The following GGCT variants were observed in gnomAD, a reference collection of about 807,000 sequenced individuals.
GGCT encodes gamma-glutamylcyclotransferase.
A neutral mutation model predicts 22.1 loss-of-function variants in GGCT; 20 were observed. The ratio of observed to expected loss-of-function variants is 0.91; its 90% confidence interval spans 0.64 to 1.32. The LOEUF is 1.32. Among genes scored for constraint, GGCT ranks in the 40% most tolerant of loss-of-function variants. The pLI, the probability that GGCT is intolerant of heterozygous loss-of-function variation, is 0.00. For missense variants in GGCT, 209 were observed against 223.5 expected, an observed-to-expected ratio of 0.94 and a Z score of 0.41; for synonymous variants, 72 against 78.4, an observed-to-expected ratio of 0.92 and a Z score of 0.43.
chr7:30,499,097 A>C (rs1789633473), intron 2 of GGCT, 159 bp from the exon 3 acceptor site: 1 of 735,638 alleles, frequency 1.4e-6, no homozygotes, highest in Non-Finnish European at 2.4e-6. Flanking sequence ...AGAATATATA[A>C]ATTTACCACA....
intron 3 of GGCT, chr7:30,497,713 T>A: frequency 1.5e-6 from 2 of 1,304,596 alleles, no homozygotes; most frequent in Non-Finnish European, 2.0e-6. Context: ...ACTAAAAAAT[T>A]CCAAACGAGG....
At chr7:30,503,654 GT>G (rs1789753847) in intron 1 of GGCT, among the ~76,000 whole-genome samples, 1 of 152,086 alleles carries the variant, frequency 6.6e-6, no homozygotes, top group Non-Finnish European at 1.5e-5. Context: ...CCGTGGGCTG[GT>G]TCTGTTGTGT....
At chr7:30,504,486 C>A (rs1789780912) in intron 1 of GGCT, 83 bp downstream of exon 1, 4 of 1,505,586 alleles carry the variant, frequency 2.7e-6, no homozygotes, top group South Asian at 2.3e-5. Flanking sequence ...GCATTCCTGG[C>A]CCGATCGGCC....
At chr7:30,504,471 G>T in intron 1 of GGCT, 98 bp downstream of exon 1, 1 of 1,396,054 alleles carries the variant, frequency 7.2e-7, no homozygotes, top group Non-Finnish European at 9.9e-7. Flanking sequence ...TCATCAAGAA[G>T]AACTGCATTC....
intron 1 of GGCT, among the ~76,000 whole-genome samples, chr7:30,503,096 G>T (rs1789740071): frequency 6.6e-6 from 1 of 152,034 alleles, no homozygotes; most frequent in African/African-American, 2.4e-5. Context: ...TGTTTTGTGT[G>T]CTCCCCACCT....
intron 3 of GGCT, chr7:30,498,026 T>TATAC (rs68111355): frequency 0.011 from 2,515 of 219,460 alleles, 73 homozygotes; most frequent in African/African-American, 0.05. Context: ...TATATATAGA[T>TATAC]ACACACACAC....
chr7:30,497,529 C>G, intron 3 of GGCT: 1 of 306,608 alleles, frequency 3.3e-6, no homozygotes, highest in Non-Finnish European at 5.4e-6. Context: ...ATTTATATGA[C>G]CTTTTAAGAA....
At chr7:30,497,564 A>G in intron 3 of GGCT, 1 of 402,984 alleles carries the variant, frequency 2.5e-6, no homozygotes, top group South Asian at 1.3e-4. Flanking sequence ...TTCAAAAAAA[A>G]TTTAAAGTTT....
At chr7:30,500,816 G>A in intron 1 of GGCT, 135 bp from the exon 2 acceptor site, 1 of 614,474 alleles carries the variant, frequency 1.6e-6, no homozygotes, top group Middle Eastern at 4.4e-4. Context: ...TGCATAAGAA[G>A]CTGTGGAAAA....
chr7:30,498,684 G>A, intron 3 of GGCT, 119 bp downstream of exon 3: 1 of 846,968 alleles, frequency 1.2e-6, no homozygotes, highest in Non-Finnish European at 1.9e-6. Flanking sequence ...CTTCCAAAGT[G>A]GTGGCATTAC....
rs1170354080 is a variant in GGCT at position 30,497,079 on chromosome 7, A to G, written c.*13T>C. 4 of 1,540,492 alleles carry G rather than the reference A, an allele frequency of 2.6e-6. No individual in the cohort carries two copies. In the African/African-American group the frequency reaches 4.1e-5, roughly 16 times the overall value. On this transcript the variant is annotated 3_prime_UTR_variant, in exon 4 of 4. Coordinates refer to ENST00000275428, the MANE Select transcript of GGCT (RefSeq NM_024051.4). ...TAGCACATAGAATACCCTTAGATATATTCTGTTATGTTCTAAAGAGTTTGT... is the reference window on the plus strand; with the variant it reads ...TAGCACATAGAATACCCTTAGATATGTTCTGTTATGTTCTAAAGAGTTTGT...
chr7:30,497,025 T>G lies in GGCT; in HGVS notation c.*67A>C. The G allele has an allele frequency of 9.6e-7, 1 of 1,043,268 alleles. No individual in the cohort carries two copies. The highest frequency in any genetic ancestry group is 1.4e-6 in the Non-Finnish European group (1 of 718,334). 64.6% of individuals were successfully genotyped at this position (1,043,268 alleles called of 1,614,324 possible). On this transcript the variant is annotated 3_prime_UTR_variant, in exon 4 of 4. Transcript: ENST00000275428. ...CAAACGTGGAGATCCCCCAGATCCC[T>G]GTTCTCAAGTGTTAAAAATATTTTA...
chr7:30,497,258 G>A (rs38405), intron 3 of GGCT, 23 bp from the exon 4 acceptor site: 683,773 of 1,562,480 alleles, frequency 0.44, 160,010 homozygotes, highest in African/African-American at 0.88. Flanking sequence ...AAAACAAACA[G>A]ACAAAAAAAC....
chr7:30,503,337 A>C (rs1269775698), intron 1 of GGCT, among the ~76,000 whole-genome samples: 1 of 152,118 alleles, frequency 6.6e-6, no homozygotes, highest in Non-Finnish European at 1.5e-5. Flanking sequence ...TCCCTACCTT[A>C]CGAGTTTGGG....
rs1562742219 is a variant in GGCT, at chr7:30,500,588, C to T, written c.235G>A (p.Val79Met). The change falls in exon 2 of 4, where the codon GTG (valine) becomes ATG (methionine). Residue 79 changes from valine to methionine, a missense_variant. By Grantham distance (21) the Val-to-Met change is conservative. Coordinates refer to ENST00000275428, the MANE Select transcript of GGCT (RefSeq NM_024051.4). ...TTCATTTTCCATACTACTCCCCACA[C>T]TTCATCGCCAGGACTCTGAAAAATG... ...ATIFQSPGDE[V>M]WGVVWKMNKS... 2 of 1,613,854 alleles carry T rather than the reference C, an allele frequency of 1.2e-6. No homozygotes were observed. The highest frequency in any genetic ancestry group is 1.7e-5 in the Admixed American group (1 of 60,032).
chr7:30,500,561 T>A lies in GGCT; in HGVS notation c.262A>T (p.Lys88Ter). Residue 88 changes from lysine (K) to a stop codon, truncating the protein, a stop_gained, in exon 2 of 4, where the codon AAA becomes TAA. Coordinates refer to ENST00000275428, the MANE Select transcript of GGCT (RefSeq NM_024051.4). LOFTEE classifies it high-confidence loss of function. ...EVWGVVWKMN[K>*]SNLNSLDEQE... ...TCATCCAGAGAATTTAAATTGCTTT[T>A]GTTCATTTTCCATACTACTCCCCAC... 6.2e-7 allele frequency: 1 copy of A among 1,613,634 alleles called. No homozygotes were observed. Among genetic ancestry groups the A allele is most frequent in the Admixed American group, 1.7e-5 (1 of 59,986 alleles).
At chr7:30,497,756 T>C (rs1266344376) in intron 3 of GGCT, 17 of 1,436,746 alleles carry the variant, frequency 1.2e-5, no homozygotes, top group Non-Finnish European at 1.6e-5. Context: ...ACAGGTGCCA[T>C]GACCTGATTG....
rs142773741 is a variant in GGCT at position 30,503,098 on chromosome 7, TC to T, written c.141+1470del. On this transcript the variant is annotated intron_variant, in intron 1 of 3. Transcript: ENST00000275428. ...AGATGCTGTTCCCTGTTTTGTGTGC[TC>T]CCCACCTCTACAATCATTCAGGTCT... Among the ~76,000 whole-genome samples, 1,181 of 152,288 alleles carry T rather than the reference TC, an allele frequency of 7.8e-3. 17 individuals carry two copies. Among genetic ancestry groups the T allele is most frequent in the African/African-American group, 0.027 (1,133 of 41,548 alleles).
intron 1 of GGCT, among the ~76,000 whole-genome samples, chr7:30,501,311 T>C (rs962548697): frequency 2.0e-5 from 3 of 152,132 alleles, no homozygotes; most frequent in Non-Finnish European, 4.4e-5. Context: ...AGAGTGTGTT[T>C]TGGGGGCCAG....
Sources: allele counts gnomAD v4.1 joint callset (sites outside exome capture counted in the v4.1 genomes callset), GRCh38; gene constraint gnomAD v4.1.1; transcripts MANE v1.5; gene names NCBI Gene and HGNC (gene_info 2026-07-23, HGNC 2026-07-21).